ARHGAP24: variants seen among roughly 807,000 people sequenced by gnomAD.
ARHGAP24 encodes Rho GTPase activating protein 24.
A neutral mutation model predicts 76.4 loss-of-function variants in ARHGAP24; 50 were observed. That is an observed-to-expected ratio of 0.65 (90% CI 0.52 to 0.83). The LOEUF (loss-of-function observed/expected upper bound fraction) is 0.83, where lower values mean the gene tolerates loss of function less well. Ranked by LOEUF, ARHGAP24 falls within the 40% of genes least tolerant of loss-of-function variation. ARHGAP24 has a pLI of 0.00. For missense variants in ARHGAP24, 930 were observed against 914.2 expected, an observed-to-expected ratio of 1.02 and a Z score of -0.22; for synonymous variants, 345 against 323.3, an observed-to-expected ratio of 1.07 and a Z score of -0.72.
chr4:85,833,053 A>G (rs1201498701), intron 3 of ARHGAP24, among the ~76,000 whole-genome samples: 1 of 152,202 alleles, frequency 6.6e-6, no homozygotes. Context: ...ATAATTCCAA[A>G]TTGATGCCTG....
intron 3 of ARHGAP24, among the ~76,000 whole-genome samples, chr4:85,917,264 A>C (rs1257411389): frequency 6.6e-6 from 1 of 152,128 alleles, no homozygotes; most frequent in Non-Finnish European, 1.5e-5. Flanking sequence ...ATGGCTGCAT[A>C]GTATTCCATG....
At chr4:85,987,369 A>T (rs1740063906) in intron 8 of ARHGAP24, among the ~76,000 whole-genome samples, 1 of 151,968 alleles carries the variant, frequency 6.6e-6, no homozygotes, top group African/African-American at 2.4e-5. Context: ...TAGAATATAT[A>T]TTTTTTTCAA....
intron 2 of ARHGAP24, among the ~76,000 whole-genome samples, chr4:85,638,693 G>A (rs1721412211): frequency 6.6e-6 from 1 of 152,090 alleles, no homozygotes; most frequent in South Asian, 2.1e-4. Flanking sequence ...GTCTCCAGAA[G>A]CTTGTTTCAG....
chr4:85,553,093 A>G (rs1433677286), intron 1 of ARHGAP24, among the ~76,000 whole-genome samples: 1 of 152,014 alleles, frequency 6.6e-6, no homozygotes, highest in African/African-American at 2.4e-5. Flanking sequence ...TGAGCATTAC[A>G]GTTCATAAAG....
chr4:85,791,601 A>G (rs1393289501), intron 3 of ARHGAP24, among the ~76,000 whole-genome samples: 1 of 152,154 alleles, frequency 6.6e-6, no homozygotes, highest in Admixed American at 6.5e-5. Flanking sequence ...TCCCACTTCC[A>G]TGTAGAAGAT....
Position 85,655,822 on chromosome 4 carries a change from G to A in ARHGAP24, c.181-66063G>A, listed in dbSNP as rs13121844. On this transcript the variant is annotated intron_variant, in intron 2 of 9. Transcript: ENST00000395184. ...AGAGAGAGAGAGAGAGAGAGAAAGA[G>A]AGAGAGAGAGAGAGAGAGAGAGACA... 5.8e-4 allele frequency among the ~76,000 whole-genome samples: 63 copies of A among 107,946 alleles called. 1 individual carries two copies. Among genetic ancestry groups the A allele is most frequent in the African/African-American group, 1.7e-3 (46 of 26,368 alleles). 70.8% of individuals were successfully genotyped at this position (107,946 alleles called of 152,430 possible).
At chr4:85,944,350 T>G (rs1737125044) in intron 5 of ARHGAP24, among the ~76,000 whole-genome samples, 1 of 152,216 alleles carries the variant, frequency 6.6e-6, no homozygotes, top group Admixed American at 6.5e-5. Flanking sequence ...GCTTGAAAAT[T>G]AAAAATAGCC....
intron 3 of ARHGAP24, among the ~76,000 whole-genome samples, chr4:85,895,001 CAAAAAAA>C (rs1222078793): frequency 1.3e-4 from 7 of 54,336 alleles, no homozygotes; most frequent in East Asian, 1.4e-3. Flanking sequence ...AAACAAAAAG[CAAAAAAA>C]AAAAAAAAAA....
intron 3 of ARHGAP24, among the ~76,000 whole-genome samples, chr4:85,894,527 A>T (rs891964133): frequency 7.2e-5 from 11 of 152,336 alleles, no homozygotes; most frequent in African/African-American, 2.6e-4. Context: ...ATTGATAGTG[A>T]ACATTTTGTT....
At chr4:85,796,249 A>C (rs913417603) in intron 3 of ARHGAP24, among the ~76,000 whole-genome samples, 1 of 152,076 alleles carries the variant, frequency 6.6e-6, no homozygotes, top group Non-Finnish European at 1.5e-5. Flanking sequence ...ATTTAGAGAA[A>C]ATTCCAAGTT....
At chr4:85,532,857 T>C (rs1578013417) in intron 1 of ARHGAP24, among the ~76,000 whole-genome samples, 1 of 152,172 alleles carries the variant, frequency 6.6e-6, no homozygotes, top group Non-Finnish European at 1.5e-5. Flanking sequence ...TTTTTGTCAG[T>C]GATGGAAAGC....
intron 2 of ARHGAP24, among the ~76,000 whole-genome samples, chr4:85,623,473 A>G (rs1031754375): frequency 6.6e-6 from 1 of 152,076 alleles, no homozygotes; most frequent in Non-Finnish European, 1.5e-5. Context: ...TTTTGGTACT[A>G]TGCTGTTTTG....
intron 1 of ARHGAP24, among the ~76,000 whole-genome samples, chr4:85,514,711 A>G (rs1724417070): frequency 6.7e-6 from 1 of 149,716 alleles, no homozygotes; most frequent in South Asian, 2.1e-4. Flanking sequence ...AAGCTTATCT[A>G]AAGTTCCATC....
chr4:85,786,512 GC>G (rs1727852499), intron 3 of ARHGAP24, among the ~76,000 whole-genome samples: 1 of 152,108 alleles, frequency 6.6e-6, no homozygotes, highest in Non-Finnish European at 1.5e-5. Context: ...TTTATGAATC[GC>G]CCCCAAAGTG....
At chr4:85,683,878 T>C (rs1375329807) in intron 2 of ARHGAP24, among the ~76,000 whole-genome samples, 1 of 152,208 alleles carries the variant, frequency 6.6e-6, no homozygotes, top group Non-Finnish European at 1.5e-5. Context: ...ACTGGCTTAT[T>C]TAACTTAGCA....
intron 3 of ARHGAP24, among the ~76,000 whole-genome samples, chr4:85,732,283 C>T (rs7695679): frequency 0.033 from 5,006 of 151,942 alleles, 252 homozygotes; most frequent in African/African-American, 0.11. Flanking sequence ...AGGTTAGAAA[C>T]GATGTCAGAA....
intron 7 of ARHGAP24, among the ~76,000 whole-genome samples, chr4:85,977,286 C>T (rs1739399379): frequency 6.6e-6 from 1 of 152,016 alleles, no homozygotes; most frequent in African/African-American, 2.4e-5. Flanking sequence ...CTCTCAAGTC[C>T]ATATTAGTAT....
chr4:85,567,185 A>T (rs1726884619), intron 1 of ARHGAP24, among the ~76,000 whole-genome samples: 1 of 152,194 alleles, frequency 6.6e-6, no homozygotes, highest in Non-Finnish European at 1.5e-5. Context: ...ATCTGATTTG[A>T]ATCTTTAAAA....
chr4:85,581,491 G>C (rs542533593), intron 2 of ARHGAP24, among the ~76,000 whole-genome samples: 3 of 152,272 alleles, frequency 2.0e-5, no homozygotes, highest in South Asian at 4.1e-4. Flanking sequence ...GAAAATTTAA[G>C]ATAAAGAATT....
Sources: allele counts gnomAD v4.1 joint callset (sites outside exome capture counted in the v4.1 genomes callset), GRCh38; gene constraint gnomAD v4.1.1; transcripts MANE v1.5; gene names NCBI Gene and HGNC (gene_info 2026-07-23, HGNC 2026-07-21).